The following KCTD3 variants were observed in gnomAD, a reference collection of about 807,000 sequenced individuals.
KCTD3 encodes the protein BTB/POZ domain-containing protein KCTD3.
KCTD3 carries 41 observed loss-of-function variants against 85.8 expected under a neutral mutation model. The ratio of observed to expected loss-of-function variants is 0.48; its 90% confidence interval spans 0.37 to 0.62. The LOEUF is 0.62. KCTD3 is among the 20% of genes least tolerant of loss of function. The pLI is 0.00. For missense variants in KCTD3, 724 were observed against 989.9 expected, an observed-to-expected ratio of 0.73 and a Z score of 3.60; for synonymous variants, 338 against 345.4, an observed-to-expected ratio of 0.98 and a Z score of 0.24.
intron 6 of KCTD3, 63 bp from the exon 7 acceptor site, chr1:215,578,937 T>G (rs1659688515): frequency 8.6e-7 from 1 of 1,161,284 alleles, no homozygotes. Flanking sequence ...TGTCACAATG[T>G]GATATTTTTA....
At chr1:215,614,486 C>G (rs181193137) in intron 15 of KCTD3, among the ~76,000 whole-genome samples, 1 of 152,220 alleles carries the variant, frequency 6.6e-6, no homozygotes, top group East Asian at 1.9e-4. Flanking sequence ...GTGTTGTCTG[C>G]TTTCTTCGAG....
At chr1:215,576,416 C>T (rs1659586286) in intron 4 of KCTD3, among the ~76,000 whole-genome samples, 1 of 151,148 alleles carries the variant, frequency 6.6e-6, no homozygotes, top group Admixed American at 6.6e-5. Flanking sequence ...AAAGTTTCCT[C>T]ACACTGAAAC....
At chr1:215,581,421 T>C (rs1659821633) in intron 8 of KCTD3, among the ~76,000 whole-genome samples, 1 of 152,192 alleles carries the variant, frequency 6.6e-6, no homozygotes. Context: ...TTTATCATCT[T>C]ATATATTTGA....
At chr1:215,601,989 AT>A (rs766016193) in intron 11 of KCTD3, 35 bp downstream of exon 11, 12 of 1,441,318 alleles carry the variant, frequency 8.3e-6, no homozygotes, top group South Asian at 1.2e-5. Flanking sequence ...CTCCTGCTTA[AT>A]GTAATTTTTT....
chr1:215,615,049 T>C (rs1247896099), intron 15 of KCTD3, among the ~76,000 whole-genome samples: 1 of 151,682 alleles, frequency 6.6e-6, no homozygotes, highest in East Asian at 1.9e-4. Flanking sequence ...TTCTGTTATT[T>C]CTAACAGTAA....
At chr1:215,570,791 C>A (rs1040797714) in intron 1 of KCTD3, among the ~76,000 whole-genome samples, 2 of 152,182 alleles carry the variant, frequency 1.3e-5, no homozygotes, top group African/African-American at 4.8e-5. Context: ...ATGCAAATTT[C>A]TTTAGTCCTT....
chr1:215,590,122 A>G (rs1660156000), intron 9 of KCTD3, among the ~76,000 whole-genome samples: 2 of 152,134 alleles, frequency 1.3e-5, no homozygotes, highest in Non-Finnish European at 2.9e-5. Flanking sequence ...AATTTGAGCC[A>G]TTATTGTGGA....
At chr1:215,580,263 GTAT>G (rs1379765007) in intron 8 of KCTD3, among the ~76,000 whole-genome samples, 1 of 152,148 alleles carries the variant, frequency 6.6e-6, no homozygotes, top group Non-Finnish European at 1.5e-5. Context: ...ATATCCTGAT[GTAT>G]TATTTATTGC....
chr1:215,602,475 CAAA>C (rs534044865), intron 12 of KCTD3, among the ~76,000 whole-genome samples: 2 of 129,378 alleles, frequency 1.5e-5, no homozygotes, highest in African/African-American at 5.7e-5. Flanking sequence ...GCTGAAATTT[CAAA>C]AAAAAAAAAA....
In KCTD3 at chr1:215,573,819, T is replaced by G; in HGVS notation, c.117T>G (p.Ile39Met). ...FSTSRQTLMW[I>M]PDSFFSSLLS... ...CCTCAAGACAAACTCTTATGTGGAT[T>G]CCAGATTCTTTTTTTTCCAGGTATG... Residue 39 changes from isoleucine (I) to methionine (M), a missense_variant, in exon 2 of 18, where the codon ATT becomes ATG. This residue lies in a region of KCTD3 where 97 missense variants were observed against 115.7 expected (regional missense o/e 0.84). Transcript: ENST00000259154. The G allele has an allele frequency of 7.0e-6, 11 of 1,574,270 alleles. No individual in the cohort carries two copies. The highest frequency in any genetic ancestry group is 8.7e-6 in the Non-Finnish European group (10 of 1,149,496).
At chr1:215,570,101 A>G (rs771247825) in intron 1 of KCTD3, among the ~76,000 whole-genome samples, 1 of 152,186 alleles carries the variant, frequency 6.6e-6, no homozygotes, top group African/African-American at 2.4e-5. Flanking sequence ...CTGTAAGAGA[A>G]AAATCCTGAT....
chr1:215,605,103 T>C (rs1455684159), intron 13 of KCTD3, among the ~76,000 whole-genome samples: 1 of 152,176 alleles, frequency 6.6e-6, no homozygotes, highest in Non-Finnish European at 1.5e-5. Flanking sequence ...AAGCTTGCTT[T>C]CTAGAGGAGT....
At chr1:215,603,392 A>G (rs979249732) in intron 12 of KCTD3, among the ~76,000 whole-genome samples, 18 of 152,156 alleles carry the variant, frequency 1.2e-4, no homozygotes, top group African/African-American at 3.9e-4. Flanking sequence ...GAAGCTTTTA[A>G]GAGTATAGGT....
At chr1:215,573,902 TTGTC>T in intron 2 of KCTD3, 63 bp downstream of exon 2, 3 of 1,139,532 alleles carry the variant, frequency 2.6e-6, no homozygotes, top group South Asian at 3.0e-5. Context: ...ATAATAATGT[TTGTC>T]AGTTAAATTT....
chr1:215,584,708 TAAAC>T (rs1419229086), intron 8 of KCTD3, among the ~76,000 whole-genome samples: 12 of 152,182 alleles, frequency 7.9e-5, no homozygotes, highest in Non-Finnish European at 7.3e-5. Flanking sequence ...TTTGATTCCT[TAAAC>T]AAGTCCATAT....
intron 10 of KCTD3, among the ~76,000 whole-genome samples, chr1:215,597,611 C>G (rs1434331532): frequency 6.6e-6 from 1 of 152,080 alleles, no homozygotes; most frequent in East Asian, 1.9e-4. Flanking sequence ...AGCCTAGCCT[C>G]TAAATACACA....
chr1:215,579,710 G>T (rs768334146), intron 7 of KCTD3, among the ~76,000 whole-genome samples, 199 bp from the exon 8 acceptor site: 22 of 152,168 alleles, frequency 1.4e-4, no homozygotes, highest in Non-Finnish European at 2.8e-4. Context: ...GTGTTAGCCA[G>T]TATGGTCTCG....
chr1:215,586,037 C>A (rs1170218134), intron 8 of KCTD3, among the ~76,000 whole-genome samples: 2 of 152,048 alleles, frequency 1.3e-5, no homozygotes, highest in Admixed American at 1.3e-4. Context: ...AGTTAATAAA[C>A]CCTGAAAAGC....
chr1:215,586,956 C>T (rs1026720788), intron 9 of KCTD3, among the ~76,000 whole-genome samples: 1 of 152,038 alleles, frequency 6.6e-6, no homozygotes, highest in African/African-American at 2.4e-5. Flanking sequence ...GATGTTTTCA[C>T]TGTTTTCTCT....
Sources: gnomAD v4.1 joint callset for allele counts (sites outside exome capture counted in the v4.1 genomes callset) on GRCh38, gnomAD v4.1.1 for gene constraint, gnomAD v4.1.1 regional missense constraint, MANE v1.5 for transcripts, NCBI Gene and HGNC (gene_info 2026-07-23, HGNC 2026-07-21) for gene names.